The following TEAD4 variants were observed in gnomAD, a reference collection of about 807,000 sequenced individuals.
TEAD4 encodes transcriptional enhancer factor TEF-3.
Under a neutral mutation model 52.4 loss-of-function variants are expected in TEAD4, and 36 were observed. The observed-to-expected ratio is 0.69, with a 90% CI of 0.53 to 0.91. The LOEUF (loss-of-function observed/expected upper bound fraction) is 0.91. Ranked by LOEUF, TEAD4 falls within the 40% of genes least tolerant of loss-of-function variation. The pLI is 0.00. For missense variants in TEAD4, 508 were observed against 583.9 expected, an observed-to-expected ratio of 0.87 and a Z score of 1.34; for synonymous variants, 220 against 231.0, an observed-to-expected ratio of 0.95 and a Z score of 0.43.
intron 2 of TEAD4, among the ~76,000 whole-genome samples, chr12:2,984,809 T>G (rs1433665578): frequency 6.6e-6 from 1 of 152,096 alleles, no homozygotes; most frequent in African/African-American, 2.4e-5. Flanking sequence ...ATATAAAAGA[T>G]AACAAATGGC....
chr12:3,029,858 T>A (rs1395761815), intron 10 of TEAD4, among the ~76,000 whole-genome samples: 2 of 152,182 alleles, frequency 1.3e-5, no homozygotes, highest in African/African-American at 4.8e-5. Flanking sequence ...TGATTGGGCT[T>A]GGGGAGCTAG....
intron 10 of TEAD4, among the ~76,000 whole-genome samples, chr12:3,035,823 C>CAAAAAA (rs760133553): frequency 8.3e-6 from 1 of 120,866 alleles, no homozygotes; most frequent in African/African-American, 3.0e-5. Flanking sequence ...CTGTCTTTAA[C>CAAAAAA]AAAAAAAAAA....
At chr12:3,033,391 C>CT in intron 10 of TEAD4, among the ~76,000 whole-genome samples, 1 of 152,360 alleles carries the variant, frequency 6.6e-6, no homozygotes, top group East Asian at 1.9e-4. Context: ...AGCTCCCTTC[C>CT]TCCCCCAGAG....
intron 2 of TEAD4, among the ~76,000 whole-genome samples, chr12:2,992,674 G>A (rs2153955218): frequency 6.6e-6 from 1 of 152,222 alleles, no homozygotes; most frequent in South Asian, 2.1e-4. Flanking sequence ...AAGGCTAGTG[G>A]GGGAGAAGGG....
chr12:3,012,585 G>C (rs2098261214), intron 5 of TEAD4, among the ~76,000 whole-genome samples: 2 of 152,106 alleles, frequency 1.3e-5, no homozygotes, highest in Admixed American at 1.3e-4. Flanking sequence ...AGTGGCAGGG[G>C]CATGGGGGGG....
intron 2 of TEAD4, among the ~76,000 whole-genome samples, chr12:2,966,424 T>A (rs557181182): frequency 6.6e-6 from 1 of 151,792 alleles, no homozygotes; most frequent in South Asian, 2.1e-4. Context: ...TTTCTTTTTT[T>A]TTTTTTGAGA....
At chr12:3,020,938 G>A (rs945958896) in intron 9 of TEAD4, among the ~76,000 whole-genome samples, 165 bp downstream of exon 9, 1 of 150,534 alleles carries the variant, frequency 6.6e-6, no homozygotes, top group Middle Eastern at 3.4e-3. Flanking sequence ...CCTCCTTCAC[G>A]TCACCCCTCT....
At chr12:2,972,732 C>T (rs1263175119) in intron 2 of TEAD4, among the ~76,000 whole-genome samples, 1 of 151,972 alleles carries the variant, frequency 6.6e-6, no homozygotes, top group African/African-American at 2.4e-5. Flanking sequence ...AACTCCTGAC[C>T]TCAGGTGATC....
intron 9 of TEAD4, among the ~76,000 whole-genome samples, chr12:3,021,471 T>G (rs2098268680): frequency 6.6e-6 from 1 of 151,954 alleles, no homozygotes; most frequent in Non-Finnish European, 1.5e-5. Flanking sequence ...CCACCACACC[T>G]GGCTAATTTT....
intron 11 of TEAD4, 137 bp downstream of exon 11, chr12:3,038,245 C>A: frequency 8.4e-7 from 1 of 1,187,102 alleles, no homozygotes; most frequent in Non-Finnish European, 1.2e-6. Context: ...TGTCTGCTGT[C>A]AGTGCTGTGT....
intron 2 of TEAD4, among the ~76,000 whole-genome samples, chr12:2,980,432 C>T (rs2098233182): frequency 6.6e-6 from 1 of 152,180 alleles, no homozygotes; most frequent in African/African-American, 2.4e-5. Flanking sequence ...CTATTGTCAA[C>T]AGAAGTGTTT....
chr12:2,982,928 C>T (rs114015328), intron 2 of TEAD4, among the ~76,000 whole-genome samples: 4,679 of 152,264 alleles, frequency 0.031, 245 homozygotes, highest in African/African-American at 0.11. Flanking sequence ...CTCACTTCAC[C>T]AGGCCAGTCC....
At chr12:3,014,738 C>T (rs1271935529) in intron 5 of TEAD4, among the ~76,000 whole-genome samples, 2 of 152,226 alleles carry the variant, frequency 1.3e-5, no homozygotes, top group South Asian at 2.1e-4. Context: ...TGCCCGGCTA[C>T]TGCTGTCACT....
intron 2 of TEAD4, among the ~76,000 whole-genome samples, chr12:2,966,843 A>G (rs2098220786): frequency 6.6e-6 from 1 of 152,032 alleles, no homozygotes. Flanking sequence ...AGTAGCTGGG[A>G]TTACAGGCAC....
intron 10 of TEAD4, 131 bp downstream of exon 10, chr12:3,022,148 G>A (rs760228504): frequency 4.9e-6 from 6 of 1,233,914 alleles, no homozygotes; most frequent in African/African-American, 4.5e-5. Context: ...GAAGGGGAGA[G>A]TAAGCCCAGC....
At chr12:2,984,395 G>A (rs146199418) in intron 2 of TEAD4, among the ~76,000 whole-genome samples, 2 of 152,296 alleles carry the variant, frequency 1.3e-5, no homozygotes, top group South Asian at 2.1e-4. Flanking sequence ...GATGTGCATC[G>A]CTGGAAGCTT....
At chr12:2,995,136 T>G in intron 3 of TEAD4, 144 bp downstream of exon 3, 8 of 909,370 alleles carry the variant, frequency 8.8e-6, no homozygotes, top group South Asian at 1.7e-5. Context: ...CCTCCTGGGC[T>G]CCCAAGGGAT....
intron 10 of TEAD4, among the ~76,000 whole-genome samples, chr12:3,035,115 A>AG (rs1400232844): frequency 6.6e-6 from 1 of 151,836 alleles, no homozygotes; most frequent in Non-Finnish European, 1.5e-5. Flanking sequence ...AATAAAATTA[A>AG]AAAAATAGTT....
chr12:2,961,846 T>C (rs1340712846), intron 2 of TEAD4, among the ~76,000 whole-genome samples: 2 of 152,156 alleles, frequency 1.3e-5, no homozygotes, highest in East Asian at 3.9e-4. Context: ...AACCTTGCCC[T>C]GTCTATCATG....
Sources: gnomAD v4.1 joint callset for allele counts (sites outside exome capture counted in the v4.1 genomes callset) on GRCh38, gnomAD v4.1.1 for gene constraint, MANE v1.5 for transcripts, NCBI Gene and HGNC (gene_info 2026-07-23, HGNC 2026-07-21) for gene names.